The following CHMP7 variants were observed in gnomAD, a reference collection of about 807,000 sequenced individuals.
CHMP7 encodes the protein CHMP family, member 7.
CHMP7 carries 15 observed loss-of-function variants against 53.7 expected under a neutral mutation model. The ratio of observed to expected loss-of-function variants is 0.28; its 90% confidence interval spans 0.19 to 0.43. The LOEUF (loss-of-function observed/expected upper bound fraction) is 0.43. Ranked by LOEUF, CHMP7 falls within the 20% of genes least tolerant of loss-of-function variation. CHMP7 has a pLI of 1.00. For missense variants in CHMP7, 527 were observed against 569.4 expected, an observed-to-expected ratio of 0.93 and a Z score of 0.76; for synonymous variants, 261 against 228.0, an observed-to-expected ratio of 1.14 and a Z score of -1.30.
chr8:23,250,990 G>T (rs1444392268), intron 3 of CHMP7, among the ~76,000 whole-genome samples: 1 of 152,216 alleles, frequency 6.6e-6, no homozygotes, highest in Non-Finnish European at 1.5e-5. Context: ...CACCCATGCA[G>T]TTATTCCCCT....
intron 2 of CHMP7, among the ~76,000 whole-genome samples, chr8:23,248,808 C>T (rs550930946): frequency 1.1e-4 from 17 of 152,282 alleles, no homozygotes; most frequent in Admixed American, 7.2e-4. Flanking sequence ...GTCTTGCACT[C>T]GACAGTGATT....
At position 23,260,847 on chromosome 8, in the gene CHMP7, T is replaced by C. The variant is rs1050268671; in HGVS notation, c.*248T>C. 5.5e-6 allele frequency: 3 copies of C among 540,714 alleles called. No individual in the cohort carries two copies. In the African/African-American group the frequency reaches 5.7e-5, roughly 10 times the overall value. 33.5% of individuals were successfully genotyped at this position (540,714 alleles called of 1,614,324 possible). A position where few individuals can be genotyped will look rare whatever the true frequency, so the allele number is the denominator to read the frequency against. ...TATAGTGCCACGATTTATACAGTCC[T>C]GTGTCTGACCTGTCATTTCATAGCC... is the stretch of plus-strand genomic sequence containing the variant. On this transcript the variant is annotated 3_prime_UTR_variant, in exon 11 of 11. Coordinates refer to ENST00000397677, the MANE Select transcript of CHMP7 (RefSeq NM_152272.5).
intron 1 of CHMP7, 156 bp from the exon 2 acceptor site, chr8:23,246,100 T>C (rs1418479455): frequency 6.6e-6 from 1 of 152,266 alleles, no homozygotes; most frequent in East Asian, 1.9e-4. Context: ...TTCAATTTCA[T>C]TGATTTCTGC....
chr8:23,247,134 G>C, intron 2 of CHMP7, 140 bp downstream of exon 2: 1 of 793,196 alleles, frequency 1.3e-6, no homozygotes, highest in Non-Finnish European at 1.8e-6. Context: ...TGTGTGTTCA[G>C]AAGGCGAAGA....
chr8:23,257,091 CTTT>C (rs1195836725), intron 5 of CHMP7, among the ~76,000 whole-genome samples: 2 of 130,910 alleles, frequency 1.5e-5, no homozygotes, highest in Non-Finnish European at 1.6e-5. Flanking sequence ...CGTGCCCGGC[CTTT>C]TTTTTTTTTT....
chr8:23,255,258 G>T lies in CHMP7; in HGVS notation c.483G>T (p.Glu161Asp). The part of the protein sequence containing the change: ...VAVELLKEKA[E>D]EVYRLYQNSP... The stretch of plus-strand genomic sequence containing the variant: ...TGCCTTTCCCACAGGAAAAGGCTGA[G>T]GAGGTGTATCGTCTGTATCAGAACT... The change falls in exon 4 of 11, where the codon GAG (glutamate) becomes GAT (aspartate). Residue 161 changes from glutamate (E) to aspartate (D), a missense_variant. Physicochemically the swap from Glu to Asp is conservative, Grantham distance 45. Coordinates refer to ENST00000397677, the MANE Select transcript of CHMP7 (RefSeq NM_152272.5). The T allele has an allele frequency of 1.2e-6, 2 of 1,614,144 alleles. No individual in the cohort carries two copies. The highest frequency in any genetic ancestry group is 2.2e-5 in the South Asian group (2 of 91,088).
In CHMP7 at chr8:23,260,880, C is replaced by G; in HGVS notation, c.*281C>G. The G allele has an allele frequency of 2.2e-6, 1 of 462,804 alleles. No individual in the cohort carries two copies. The highest frequency in any genetic ancestry group is 3.8e-6 in the Non-Finnish European group (1 of 259,918). The allele number at this position is 462,804 out of a possible 1,614,324, so 28.7% of individuals were successfully genotyped here. A position where few individuals can be genotyped will look rare whatever the true frequency, so the allele number is the denominator to read the frequency against. On this transcript the variant is annotated 3_prime_UTR_variant, in exon 11 of 11. Transcript: ENST00000397677. Reference sequence around the variant, plus strand: ...ACCTGTCATTTCATAGCCTGCAGTTCTTGCCATTGGCACACTTAGATTTGT... The same window carrying G: ...ACCTGTCATTTCATAGCCTGCAGTTGTTGCCATTGGCACACTTAGATTTGT...
intron 2 of CHMP7, among the ~76,000 whole-genome samples, chr8:23,248,475 G>T (rs1297504748): frequency 6.6e-6 from 1 of 152,198 alleles, no homozygotes; most frequent in Non-Finnish European, 1.5e-5. Context: ...AACAGCTTTT[G>T]CTTGAGGGCC....
Position 23,255,276 on chromosome 8 carries a change from TC to T in CHMP7, c.502del (p.Gln168ArgfsTer54). ...AGGCTGAGGAGGTGTATCGTCTGTA[TC>T]AGAACTCGCCCCTCTCCTCCCACCC... The part of the protein sequence containing the change: ...EKAEEVYRLY[Q>X]NSPLSSHPVV... On this transcript the variant is annotated frameshift_variant, in exon 4 of 11. Transcript: ENST00000397677. LOFTEE classifies it high-confidence loss of function. 6.2e-7 allele frequency: 1 copy of T among 1,614,168 alleles called. No individual in the cohort carries two copies. Among genetic ancestry groups the T allele is most frequent in the Non-Finnish European group, 8.5e-7 (1 of 1,180,028 alleles).
At chr8:23,259,300 CTGGGA>C (rs1802284042) in intron 9 of CHMP7, among the ~76,000 whole-genome samples, 174 bp downstream of exon 9, 9 of 148,424 alleles carry the variant, frequency 6.1e-5, no homozygotes, top group Admixed American at 1.3e-4. Context: ...TCCCAAGTAG[CTGGGA>C]CTACAGGCGC....
In CHMP7 at chr8:23,255,436, T is replaced by TGGA. The variant is rs1802087151; in HGVS notation, c.657+7_657+9dup. On this transcript the variant is annotated splice_donor_region_variant and intron_variant, in intron 4 of 10. Coordinates refer to ENST00000397677, the MANE Select transcript of CHMP7 (RefSeq NM_152272.5). ...CCTCGAGCAGAACGGGGAGAAGGTA[T>TGGA]GGAGGCTCATCTGTTCATTCACTGA... 3.1e-6 allele frequency: 5 copies of TGGA among 1,613,612 alleles called. No individual in the cohort carries two copies. Among genetic ancestry groups the TGGA allele is most frequent in the Non-Finnish European group, 4.2e-6 (5 of 1,179,614 alleles).
Position 23,256,587 on chromosome 8 carries a change from C to CAG in CHMP7, c.790_791dup (p.Cys265GlyfsTer19), listed in dbSNP as rs1270016397. The stretch of plus-strand genomic sequence containing the variant: ...AAAGTGGAGTCCTTATCCCAGGAAG[C>CAG]AGAGAGGTAACTTTTAACCCTGAAC... On this transcript the variant is annotated frameshift_variant, in exon 5 of 11. Transcript: ENST00000397677. LOFTEE classifies it high-confidence loss of function. 1 of 1,613,786 alleles carries CAG rather than the reference C, an allele frequency of 6.2e-7. No homozygotes were observed. Among genetic ancestry groups the CAG allele is most frequent in the South Asian group, 1.1e-5 (1 of 91,068 alleles).
chr8:23,251,448 A>G, intron 3 of CHMP7, among the ~76,000 whole-genome samples: 1 of 152,130 alleles, frequency 6.6e-6, no homozygotes, highest in African/African-American at 2.4e-5. Context: ...GGCTTTGTCA[A>G]CTCTAGTTCT....
Position 23,246,751 on chromosome 8 carries a change from T to G in CHMP7, c.56T>G (p.Leu19Arg). ...CCAGCCGGGGGAGACCCGGCGGGCC[T>G]TCTGCCCCCCGAGTGGGAGGAGGAC... is the stretch of plus-strand genomic sequence containing the variant. ...EAPAGGDPAG[L>R]LPPEWEEDEE... Residue 19 changes from leucine to arginine, a missense_variant, in exon 2 of 11, where the codon CTT (leucine) becomes CGT (arginine). Physicochemically the swap from Leu to Arg is moderately radical, Grantham distance 102. Coordinates refer to ENST00000397677, the MANE Select transcript of CHMP7 (RefSeq NM_152272.5). The G allele has an allele frequency of 6.4e-7, 1 of 1,554,600 alleles. No homozygotes were observed. Among genetic ancestry groups the G allele is most frequent in the Non-Finnish European group, 8.7e-7 (1 of 1,149,408 alleles).
At chr8:23,247,211 G>A (rs1034528209) in intron 2 of CHMP7, among the ~76,000 whole-genome samples, 6 of 152,154 alleles carry the variant, frequency 3.9e-5, no homozygotes, top group African/African-American at 1.4e-4. Flanking sequence ...GGGGAAGATT[G>A]GGGGGCGGGG....
At position 23,258,464 on chromosome 8, in the gene CHMP7, C is replaced by G. The variant is rs576370214; in HGVS notation, c.960+15C>G. ...CAGATCAGATGGTAGTCACTCCCCT[C>G]TACTCCAGCACTTGGCTGGTCTCTC... On this transcript the variant is annotated intron_variant, in intron 7 of 10. Transcript: ENST00000397677. The G allele has an allele frequency of 1.4e-4, 229 of 1,613,858 alleles. 4 individuals carry two copies. The South Asian group carries it at 2.4e-3, about 17-fold the overall frequency.
intron 4 of CHMP7, among the ~76,000 whole-genome samples, chr8:23,255,733 A>G (rs11135715): frequency 0.35 from 52,583 of 150,354 alleles, 9,814 homozygotes; most frequent in African/African-American, 0.48. Context: ...TGACTGTCAC[A>G]GCATTGCAGT....
At chr8:23,251,111 C>T (rs1442597902) in intron 3 of CHMP7, among the ~76,000 whole-genome samples, 1 of 152,184 alleles carries the variant, frequency 6.6e-6, no homozygotes, top group Non-Finnish European at 1.5e-5. Context: ...TCTGTCATCT[C>T]ACATTGTCCT....
chr8:23,251,764 T>G (rs1440477327), intron 3 of CHMP7, among the ~76,000 whole-genome samples: 1 of 152,246 alleles, frequency 6.6e-6, no homozygotes, highest in Admixed American at 6.5e-5. Flanking sequence ...TCTATCGATA[T>G]GCCACAATTT....
Sources: gnomAD v4.1 joint callset for allele counts (sites outside exome capture counted in the v4.1 genomes callset) on GRCh38, gnomAD v4.1.1 for gene constraint, MANE v1.5 for transcripts, NCBI Gene and HGNC (gene_info 2026-07-23, HGNC 2026-07-21) for gene names.